The following ANKS1B variants were observed in gnomAD, a reference collection of about 807,000 sequenced individuals.
ANKS1B encodes the protein ankyrin repeat and sterile alpha motif domain-containing protein 1B.
In ANKS1B, 36 loss-of-function variants were observed where a neutral mutation model predicts 148.3. That is an observed-to-expected ratio of 0.24 (90% confidence interval 0.19 to 0.32). ANKS1B has a LOEUF of 0.32. Ranked by LOEUF, ANKS1B falls within the 10% of genes least tolerant of loss-of-function variation. ANKS1B has a pLI of 1.00. For missense variants in ANKS1B, 1,157 were observed against 1,542.6 expected (o/e 0.75, Z 4.19); for synonymous variants, 542 against 560.8 (o/e 0.97, Z 0.47).
At chr12:98,831,761 A>G (rs2099317699) in intron 18 of ANKS1B, 1 of 404,516 alleles carries the variant, frequency 2.5e-6, no homozygotes, top group African/African-American at 2.0e-5. Flanking sequence ...ACTACATAAA[A>G]TAATTCTTTT....
chr12:99,007,581 T>C (rs1481184286), intron 17 of ANKS1B, among the ~76,000 whole-genome samples: 1 of 152,188 alleles, frequency 6.6e-6, no homozygotes, highest in Non-Finnish European at 1.5e-5. Flanking sequence ...TCCAGCCTTA[T>C]AGCATATGCA....
At chr12:98,809,732 C>T (rs2099079502) in intron 19 of ANKS1B, among the ~76,000 whole-genome samples, 1 of 152,050 alleles carries the variant, frequency 6.6e-6, no homozygotes, top group South Asian at 2.1e-4. Flanking sequence ...AATCGTAAGC[C>T]CCCTCACCGA....
At chr12:98,836,702 A>G (rs1354008274) in intron 17 of ANKS1B, among the ~76,000 whole-genome samples, 1 of 152,208 alleles carries the variant, frequency 6.6e-6, no homozygotes, top group African/African-American at 2.4e-5. Flanking sequence ...AGCAATGGTT[A>G]CTGCAGTAGA....
intron 19 of ANKS1B, among the ~76,000 whole-genome samples, chr12:98,826,752 T>C (rs1467665174): frequency 6.6e-6 from 1 of 152,124 alleles, no homozygotes; most frequent in African/African-American, 2.4e-5. Flanking sequence ...GAGAAACTCC[T>C]TGGGAAAGAA....
At chr12:98,781,316 ACAC>A (rs907016943) in intron 23 of ANKS1B, 113 bp from the exon 24 acceptor site, 26 of 524,590 alleles carry the variant, frequency 5.0e-5, no homozygotes, top group Middle Eastern at 2.8e-4. Flanking sequence ...CAACAACAAC[ACAC>A]ACACACACAC....
intron 17 of ANKS1B, among the ~76,000 whole-genome samples, chr12:98,879,432 C>A (rs532862406): frequency 6.6e-6 from 1 of 152,308 alleles, no homozygotes; most frequent in African/African-American, 2.4e-5. Context: ...AATTTTAGGT[C>A]TGATCAGCAA....
chr12:99,449,892 CATCTATCT>C (rs55765630), intron 10 of ANKS1B, among the ~76,000 whole-genome samples: 23,470 of 147,704 alleles, frequency 0.16, 1,823 homozygotes, highest in Middle Eastern at 0.19. Flanking sequence ...AGGATCTATC[CATCTATCT>C]ATCTATCTAT....
At chr12:99,338,247 A>G (rs534925457) in intron 12 of ANKS1B, among the ~76,000 whole-genome samples, 73 of 152,232 alleles carry the variant, frequency 4.8e-4, no homozygotes, top group African/African-American at 1.6e-3. Flanking sequence ...CACAAGACAA[A>G]GTCCTTCCCA....
chr12:99,900,871 A>G (rs1041773083), intron 1 of ANKS1B, among the ~76,000 whole-genome samples: 6 of 152,226 alleles, frequency 3.9e-5, no homozygotes, highest in Admixed American at 2.0e-4. Flanking sequence ...TGAGCAAATC[A>G]CATTTCATCA....
At chr12:99,432,057 C>G (rs538686558) in intron 11 of ANKS1B, among the ~76,000 whole-genome samples, 3 of 152,278 alleles carry the variant, frequency 2.0e-5, no homozygotes, top group African/African-American at 4.8e-5. Context: ...AAGCCAGACA[C>G]CACTGGAGTT....
chr12:99,248,076 A>G (rs995095159), intron 12 of ANKS1B, among the ~76,000 whole-genome samples: 1 of 152,230 alleles, frequency 6.6e-6, no homozygotes, highest in African/African-American at 2.4e-5. Flanking sequence ...TTTGACACCC[A>G]TAACAATCCT....
intron 10 of ANKS1B, 58 bp downstream of exon 10, chr12:99,504,418 T>A (rs1483820886): frequency 1.9e-6 from 3 of 1,543,678 alleles, no homozygotes; most frequent in Admixed American, 2.0e-5. Context: ...TAATGATGCA[T>A]CTTCATATGA....
intron 10 of ANKS1B, among the ~76,000 whole-genome samples, chr12:99,445,720 T>G (rs1328782873): frequency 6.6e-6 from 1 of 151,708 alleles, no homozygotes; most frequent in Non-Finnish European, 1.5e-5. Flanking sequence ...TACTGTTGGG[T>G]TTTTTCCTTT....
In ANKS1B at chr12:98,786,749, G is replaced by A. The variant is rs144188401; in HGVS notation, c.3343-4612C>T. Among the ~76,000 whole-genome samples the A allele has an allele frequency of 3.3e-5, 5 of 152,320 alleles. No homozygotes were observed. The East Asian group carries it at 9.6e-4, about 29-fold the overall frequency. On this transcript the variant is annotated intron_variant, in intron 22 of 26. Coordinates refer to ENST00000683438, the MANE Select transcript of ANKS1B (RefSeq NM_001352186.2). ...TAATGCTCTTTGAGTCTGGAGTGGT[G>A]TTAATGTTCCGAGTAAGAATCATTA...
chr12:99,315,164 T>G (rs2083823402), intron 12 of ANKS1B, among the ~76,000 whole-genome samples: 1 of 149,724 alleles, frequency 6.7e-6, no homozygotes, highest in African/African-American at 2.5e-5. Context: ...TGCTTGAACC[T>G]GGGAGGCAGA....
chr12:99,973,542 C>A (rs1320462554), intron 1 of ANKS1B, among the ~76,000 whole-genome samples: 1 of 152,220 alleles, frequency 6.6e-6, no homozygotes, highest in African/African-American at 2.4e-5. Context: ...GATCATGCCA[C>A]TGCACTCCAG....
intron 17 of ANKS1B, among the ~76,000 whole-genome samples, chr12:98,874,688 G>C (rs1181094598): frequency 2.6e-5 from 4 of 152,082 alleles, no homozygotes; most frequent in Non-Finnish European, 5.9e-5. Flanking sequence ...CCTGAATATA[G>C]GGAAAATGCA....
intron 15 of ANKS1B, among the ~76,000 whole-genome samples, chr12:99,151,093 C>A (rs1253198066): frequency 6.6e-6 from 1 of 151,962 alleles, no homozygotes; most frequent in Non-Finnish European, 1.5e-5. Context: ...ATTCTACAAA[C>A]CAAACTGAAA....
chr12:98,767,884 C>G (rs746830311), intron 25 of ANKS1B, among the ~76,000 whole-genome samples: 4 of 152,218 alleles, frequency 2.6e-5, no homozygotes, highest in Non-Finnish European at 4.4e-5. Context: ...ACTTCAGCCT[C>G]GGGATCTGGT....
Sources: gnomAD v4.1 joint callset for allele counts (sites outside exome capture counted in the v4.1 genomes callset) on GRCh38, gnomAD v4.1.1 for gene constraint, MANE v1.5 for transcripts, NCBI Gene and HGNC (gene_info 2026-07-23, HGNC 2026-07-21) for gene names.